The following CACNB2 variants were observed in gnomAD, a reference collection of about 807,000 sequenced individuals.
CACNB2 encodes voltage-dependent L-type calcium channel subunit beta-2.
Under a neutral mutation model 73.3 loss-of-function variants are expected in CACNB2, and 42 were observed. The ratio of observed to expected loss-of-function variants is 0.57; its 90% confidence interval spans 0.45 to 0.74. The LOEUF is 0.74. Among genes scored for constraint, CACNB2 ranks in the 30% least tolerant of loss-of-function variants. The pLI is 0.00. For synonymous variants in CACNB2, 348 were observed against 310.3 expected (o/e 1.12, Z -1.28); for missense variants, 940 against 853.0 (o/e 1.10, Z -1.27).
intron 2 of CACNB2, among the ~76,000 whole-genome samples, chr10:18,294,506 G>A (rs751990872): frequency 6.6e-6 from 1 of 152,184 alleles, no homozygotes. Context: ...CTAGGGAAGG[G>A]AGAAAGACAA....
chr10:18,320,439 T>C (rs752388464), intron 2 of CACNB2, among the ~76,000 whole-genome samples: 1 of 152,218 alleles, frequency 6.6e-6, no homozygotes, highest in Non-Finnish European at 1.5e-5. Context: ...AATGTTGTTC[T>C]GGCAAAAATT....
chr10:18,252,194 T>C (rs1401461706), intron 2 of CACNB2, among the ~76,000 whole-genome samples: 2 of 152,224 alleles, frequency 1.3e-5, no homozygotes, highest in Non-Finnish European at 2.9e-5. Flanking sequence ...GGGAAACCTT[T>C]AGCTTCCCCT....
At chr10:18,237,248 A>G (rs1470627325) in intron 2 of CACNB2, among the ~76,000 whole-genome samples, 1 of 152,202 alleles carries the variant, frequency 6.6e-6, no homozygotes, top group Non-Finnish European at 1.5e-5. Context: ...TATGAATGTA[A>G]TCTTATTTAG....
intron 3 of CACNB2, among the ~76,000 whole-genome samples, chr10:18,431,108 G>C (rs1006359369): frequency 6.6e-6 from 1 of 152,046 alleles, no homozygotes; most frequent in African/African-American, 2.4e-5. Flanking sequence ...TCAGTCTCCA[G>C]GGTAGCTGAG....
At chr10:18,383,699 C>T (rs752832293) in intron 2 of CACNB2, among the ~76,000 whole-genome samples, 26 of 146,636 alleles carry the variant, frequency 1.8e-4, no homozygotes, top group Admixed American at 8.2e-4. Context: ...TACAGAGTAG[C>T]GAATAGAGTG....
chr10:18,305,205 C>T (rs2039681827), intron 2 of CACNB2, among the ~76,000 whole-genome samples: 1 of 152,156 alleles, frequency 6.6e-6, no homozygotes. Flanking sequence ...ACTTCATGGA[C>T]AGTAAATGCT....
intron 2 of CACNB2, among the ~76,000 whole-genome samples, chr10:18,272,198 A>G (rs534083656): frequency 6.6e-6 from 1 of 152,174 alleles, no homozygotes; most frequent in Admixed American, 6.5e-5. Context: ...GAAAGAGTGG[A>G]TCACAATCTT....
intron 3 of CACNB2, among the ~76,000 whole-genome samples, chr10:18,473,418 A>G (rs139840805): frequency 6.6e-4 from 100 of 152,348 alleles, no homozygotes; most frequent in Non-Finnish European, 1.3e-3. Context: ...TTTAAAAAAT[A>G]TTGCCAGGCC....
chr10:18,456,298 A>T (rs1564569693), intron 3 of CACNB2, among the ~76,000 whole-genome samples: 1 of 151,958 alleles, frequency 6.6e-6, no homozygotes, highest in Non-Finnish European at 1.5e-5. Context: ...CCCCGCCTCT[A>T]CTGAAAATAG....
intron 2 of CACNB2, among the ~76,000 whole-genome samples, chr10:18,216,146 AAAT>A (rs1257977202): frequency 6.6e-6 from 1 of 151,986 alleles, no homozygotes; most frequent in Non-Finnish European, 1.5e-5. Flanking sequence ...AAAAAAAAAA[AAAT>A]AGCCAAATGT....
At chr10:18,166,093 G>A (rs1413731159) in intron 2 of CACNB2, among the ~76,000 whole-genome samples, 2 of 152,130 alleles carry the variant, frequency 1.3e-5, no homozygotes, top group Non-Finnish European at 2.9e-5. Context: ...TTCTATGGAT[G>A]TCTTTAGGTT....
chr10:18,274,153 C>T (rs1211979753), intron 2 of CACNB2, among the ~76,000 whole-genome samples: 1 of 152,046 alleles, frequency 6.6e-6, no homozygotes, highest in African/African-American at 2.4e-5. Context: ...TTGGCAACTT[C>T]CCTTATATAA....
chr10:18,481,192 C>CCATA (rs1228539443), intron 3 of CACNB2, among the ~76,000 whole-genome samples: 1 of 36,704 alleles, frequency 2.7e-5, no homozygotes, highest in African/African-American at 1.1e-4. Flanking sequence ...TACATCTTCG[C>CCATA]TATATATATA....
At chr10:18,482,131 C>A (rs1313024793) in intron 3 of CACNB2, among the ~76,000 whole-genome samples, 1 of 152,034 alleles carries the variant, frequency 6.6e-6, no homozygotes, top group African/African-American at 2.4e-5. Flanking sequence ...TGGCCTCAAG[C>A]AATCCATCTC....
chr10:18,282,940 C>T (rs1227078529), intron 2 of CACNB2, among the ~76,000 whole-genome samples: 1 of 152,126 alleles, frequency 6.6e-6, no homozygotes, highest in East Asian at 1.9e-4. Context: ...GGCTAATATC[C>T]AGAATCTACA....
intron 2 of CACNB2, among the ~76,000 whole-genome samples, chr10:18,320,918 A>G (rs1342198922): frequency 6.6e-6 from 1 of 152,230 alleles, no homozygotes; most frequent in Non-Finnish European, 1.5e-5. Flanking sequence ...TTTGAAAAAG[A>G]AATAATTGTC....
intron 3 of CACNB2, among the ~76,000 whole-genome samples, chr10:18,449,455 G>A (rs1251249600): frequency 1.3e-5 from 2 of 152,138 alleles, no homozygotes; most frequent in Admixed American, 6.5e-5. Flanking sequence ...CCTGCAACAA[G>A]TCGGGAGGAA....
intron 10 of CACNB2, 60 bp downstream of exon 10, chr10:18,527,757 G>T (rs1440829492): frequency 1.3e-5 from 14 of 1,048,180 alleles, no homozygotes; most frequent in Admixed American, 3.4e-5. Flanking sequence ...TTGATGATGA[G>T]AAGACCTAAC....
At chr10:18,343,009 G>C (rs1035461628) in intron 2 of CACNB2, among the ~76,000 whole-genome samples, 4 of 151,976 alleles carry the variant, frequency 2.6e-5, no homozygotes, top group Admixed American at 6.6e-5. Flanking sequence ...TCAAATGCAG[G>C]AAACACATTT....
Sources: gnomAD v4.1 joint callset for allele counts (sites outside exome capture counted in the v4.1 genomes callset) on GRCh38, gnomAD v4.1.1 for gene constraint, MANE v1.5 for transcripts, NCBI Gene and HGNC (gene_info 2026-07-23, HGNC 2026-07-21) for gene names.